PAM16: variants seen among roughly 807,000 people sequenced by gnomAD.
PAM16 encodes the protein presequence translocase associated motor 16, also known as mitochondrial import inner membrane translocase subunit TIM16.
Under a neutral mutation model 17.9 loss-of-function variants are expected in PAM16, and 11 were observed. That is an observed-to-expected ratio of 0.62 (90% confidence interval 0.39 to 1.02). The LOEUF (loss-of-function observed/expected upper bound fraction) is 1.02. Among genes scored for constraint, PAM16 ranks in the 50% least tolerant of loss-of-function variants. The pLI, the probability that PAM16 is intolerant of heterozygous loss-of-function variation, is 0.01. For missense variants in PAM16, 199 were observed against 165.4 expected (o/e 1.20, Z -1.11); for synonymous variants, 72 against 67.4 (o/e 1.07, Z -0.34).
At chr16:4,340,829 A>G (rs1007721749) in intron 4 of PAM16, 91 bp downstream of exon 4, 1 of 1,512,680 alleles carries the variant, frequency 6.6e-7, no homozygotes, top group African/African-American at 1.4e-5. Flanking sequence ...CCAAGCCCTT[A>G]GCTGGCCAGC....
chr16:4,348,930 C>G (rs2053801065), intron 1 of PAM16, among the ~76,000 whole-genome samples: 1 of 150,172 alleles, frequency 6.7e-6, no homozygotes, highest in Non-Finnish European at 1.5e-5. Flanking sequence ...AGGCGTGAGC[C>G]ACCGTACCCG....
intron 1 of PAM16, chr16:4,343,706 G>C (rs966816397): frequency 9.6e-5 from 48 of 499,900 alleles, no homozygotes; most frequent in Non-Finnish European, 1.5e-4. Context: ...GAGTTTCTGA[G>C]ATCATCAGGC....
intron 1 of PAM16, chr16:4,348,294 G>A (rs559234335): frequency 2.0e-4 from 30 of 152,196 alleles, no homozygotes; most frequent in Admixed American, 1.9e-3. Context: ...TCCCCAGGCA[G>A]GGTTTCCAAG....
chr16:4,345,294 A>G (rs1258928835), intron 1 of PAM16: 1 of 152,136 alleles, frequency 6.6e-6, no homozygotes, highest in African/African-American at 2.4e-5. Flanking sequence ...AACACGTTCA[A>G]TTCATTGTGC....
At chr16:4,342,253 G>A (rs2053659952) in intron 2 of PAM16, among the ~76,000 whole-genome samples, 1 of 152,268 alleles carries the variant, frequency 6.6e-6, no homozygotes, top group African/African-American at 2.4e-5. Context: ...AGCTACTGGA[G>A]AGGCTGAGGC....
chr16:4,350,739 T>C (rs150115076), intron 1 of PAM16, among the ~76,000 whole-genome samples: 2 of 152,228 alleles, frequency 1.3e-5, no homozygotes, highest in East Asian at 1.9e-4. Context: ...GACCTGACAG[T>C]GTGGCGCAGG....
chr16:4,343,668 G>T, intron 1 of PAM16: 1 of 799,982 alleles, frequency 1.3e-6, no homozygotes, highest in East Asian at 3.2e-5. Flanking sequence ...ACTCACTCTC[G>T]ACCCTGGGGC....
intron 1 of PAM16, 58 bp from the exon 2 acceptor site, chr16:4,343,349 G>GGCA: frequency 6.4e-7 from 1 of 1,551,314 alleles, no homozygotes; most frequent in Non-Finnish European, 8.7e-7. Context: ...CACAGAGATG[G>GGCA]GCCCTGGAAA....
chr16:4,340,253 C>G lies in PAM16; in HGVS notation c.*66G>C. ...TCTGGACACATGCAAACGAGAAATG[C>G]AGAAAAGAAATTTATTACCAAGCTA... On this transcript the variant is annotated 3_prime_UTR_variant, in exon 5 of 5. Transcript: ENST00000318059. The G allele has an allele frequency of 6.7e-7, 1 of 1,499,284 alleles. No homozygotes were observed. The highest frequency in any genetic ancestry group is 9.0e-7 in the Non-Finnish European group (1 of 1,105,354). The allele number at this position is 1,499,284 out of a possible 1,614,324, so 92.9% of individuals were successfully genotyped here. A position where few individuals can be genotyped will look rare whatever the true frequency, so the allele number is the denominator to read the frequency against.
At position 4,340,304 on chromosome 16, in the gene PAM16, G is replaced by T; in HGVS notation, c.*15C>A. On this transcript the variant is annotated 3_prime_UTR_variant, in exon 5 of 5. Transcript: ENST00000318059. ...TAAATTAGAGGCGGCGGGGTGGGCG[G>T]GGGGAGCCGAGCAGTCACGTATGGG... The T allele has an allele frequency of 3.7e-6, 6 of 1,604,108 alleles. No individual in the cohort carries two copies. Among genetic ancestry groups the T allele is most frequent in the Non-Finnish European group, 5.1e-6 (6 of 1,173,500 alleles).
intron 1 of PAM16, chr16:4,343,533 G>A (rs1296780258): frequency 7.0e-7 from 1 of 1,419,786 alleles, no homozygotes; most frequent in African/African-American, 1.4e-5. Flanking sequence ...GAGGCAGACT[G>A]GCCCCACCTC....
At chr16:4,343,045 T>C (rs1260795063) in intron 2 of PAM16, among the ~76,000 whole-genome samples, 162 bp downstream of exon 2, 1 of 152,218 alleles carries the variant, frequency 6.6e-6, no homozygotes, top group Non-Finnish European at 1.5e-5. Context: ...GCTAACCAGG[T>C]ACCACTGAAG....
At position 4,351,274 on chromosome 16, in the gene PAM16, T is replaced by C. The variant is rs747718053; in HGVS notation, c.-40A>G. 35 of 1,451,586 alleles carry C rather than the reference T, an allele frequency of 2.4e-5. No individual in the cohort carries two copies. The highest frequency in any genetic ancestry group is 2.9e-5 in the South Asian group (2 of 68,606). The allele number at this position is 1,451,586 out of a possible 1,614,324, so 89.9% of individuals were successfully genotyped here. A position where few individuals can be genotyped will look rare whatever the true frequency, so the allele number is the denominator to read the frequency against. The stretch of plus-strand genomic sequence containing the variant: ...CTCCGGGGCTCAAACTCCGACTTCC[T>C]GGCCCCGCGGCCGGGGATCAAGCGT... On this transcript the variant is annotated 5_prime_UTR_variant, in exon 1 of 5. Coordinates refer to ENST00000318059, the MANE Select transcript of PAM16 (RefSeq NM_016069.11).
chr16:4,343,826 C>T, intron 1 of PAM16: 1 of 399,950 alleles, frequency 2.5e-6, no homozygotes, highest in Non-Finnish European at 4.4e-6. Flanking sequence ...AAACCTGTTT[C>T]CATCTTCAAG....
chr16:4,340,768 C>T, intron 4 of PAM16, 152 bp downstream of exon 4: 4 of 990,646 alleles, frequency 4.0e-6, no homozygotes, highest in South Asian at 1.4e-5. Flanking sequence ...GTTCAGGGGG[C>T]CTCCCTGAGG....
At chr16:4,347,375 C>T (rs1327340372) in intron 1 of PAM16, 1 of 152,126 alleles carries the variant, frequency 6.6e-6, no homozygotes, top group Non-Finnish European at 1.5e-5. Context: ...CCTAGGTTCG[C>T]ATGAACTGCC....
intron 1 of PAM16, chr16:4,345,354 A>T (rs980452479): frequency 4.6e-5 from 7 of 152,146 alleles, no homozygotes; most frequent in African/African-American, 1.4e-4. Context: ...TGGCCCGAGG[A>T]CGTAACAGCA....
chr16:4,342,362 G>C (rs986540852), intron 2 of PAM16, among the ~76,000 whole-genome samples: 3 of 135,158 alleles, frequency 2.2e-5, no homozygotes, highest in Non-Finnish European at 4.8e-5. Context: ...CGTCTCAAAA[G>C]AAAACAAAAG....
chr16:4,345,577 C>T (rs2053745253), intron 1 of PAM16: 1 of 152,262 alleles, frequency 6.6e-6, no homozygotes, highest in Non-Finnish European at 1.5e-5. Flanking sequence ...CTTTCCTTAA[C>T]AGGTGGGATG....
Sources: allele counts gnomAD v4.1 joint callset (sites outside exome capture counted in the v4.1 genomes callset), GRCh38; gene constraint gnomAD v4.1.1; transcripts MANE v1.5; gene names NCBI Gene and HGNC (gene_info 2026-07-23, HGNC 2026-07-21).